The following CALN1 variants were observed in gnomAD, a reference collection of about 807,000 sequenced individuals.
CALN1 encodes calneuron 1, also known as calcium-binding protein 8.
Under a neutral mutation model 30.6 loss-of-function variants are expected in CALN1, and 17 were observed. The observed-to-expected ratio is 0.56, with a 90% CI of 0.38 to 0.83. The LOEUF is 0.83. Among genes scored for constraint, CALN1 ranks in the 40% least tolerant of loss-of-function variants. CALN1 has a pLI of 0.00. For synonymous variants in CALN1, 156 were observed against 131.4 expected (o/e 1.19, Z -1.28); for missense variants, 291 against 354.9 (o/e 0.82, Z 1.45).
chr7:72,255,731 A>ATTT (rs10536438), intron 3 of CALN1, among the ~76,000 whole-genome samples: 2 of 137,544 alleles, frequency 1.5e-5, no homozygotes, highest in African/African-American at 2.8e-5. Flanking sequence ...CACTTAAATA[A>ATTT]TTTTTTTTTT....
chr7:72,408,775 C>T (rs2129562836), intron 1 of CALN1, among the ~76,000 whole-genome samples: 1 of 150,524 alleles, frequency 6.6e-6, no homozygotes, highest in African/African-American at 2.4e-5. Flanking sequence ...CTCCCGGGCT[C>T]AAGTGATCCT....
intron 3 of CALN1, among the ~76,000 whole-genome samples, chr7:72,124,346 G>T (rs1192504836): frequency 6.6e-6 from 1 of 152,136 alleles, no homozygotes; most frequent in African/African-American, 2.4e-5. Flanking sequence ...TTCACTTTTG[G>T]AAAATTAAAA....
intron 2 of CALN1, among the ~76,000 whole-genome samples, chr7:72,283,010 G>A (rs1017560212): frequency 3.3e-5 from 5 of 149,830 alleles, no homozygotes; most frequent in Admixed American, 6.7e-5. Flanking sequence ...AGCCGAGATC[G>A]TGCCACTGCA....
At chr7:72,126,097 C>G (rs1257901474) in intron 3 of CALN1, among the ~76,000 whole-genome samples, 2 of 152,200 alleles carry the variant, frequency 1.3e-5, no homozygotes, top group African/African-American at 4.8e-5. Context: ...CCGCGCCCAG[C>G]TCACTGTATC....
intron 2 of CALN1, among the ~76,000 whole-genome samples, chr7:72,333,622 C>A: frequency 6.6e-6 from 1 of 150,498 alleles, no homozygotes; most frequent in East Asian, 2.0e-4. Flanking sequence ...ACATTTCAGA[C>A]ACTCTGACTA....
At chr7:72,485,867 A>G in the CALN1 span, among the ~76,000 whole-genome samples, 1 of 152,152 alleles carries the variant, frequency 6.6e-6, no homozygotes, top group Non-Finnish European at 1.5e-5. Context: ...GAGCGAAACT[A>G]CATCTCAAAA....
chr7:72,003,637 G>A (rs1215671834), intron 5 of CALN1, among the ~76,000 whole-genome samples: 4 of 152,202 alleles, frequency 2.6e-5, no homozygotes, highest in Non-Finnish European at 5.9e-5. Context: ...CTCCTTAGGA[G>A]AATCTAATGC....
At position 72,412,044 on chromosome 7, in the gene CALN1, G is replaced by A. The variant is rs930035620; in HGVS notation, c.-74+14C>T. 3 of 152,184 alleles carry A rather than the reference G, an allele frequency of 2.0e-5. No individual in the cohort carries two copies. The highest frequency in any genetic ancestry group is 6.5e-5 in the Admixed American group (1 of 15,268). The allele number at this position is 152,184 out of a possible 1,614,324, so 9.4% of individuals were successfully genotyped here. On this transcript the variant is annotated intron_variant, in intron 1 of 6. Coordinates refer to ENST00000395275, the MANE Select transcript of CALN1 (RefSeq NM_031468.4). ...GCAGCTGAGCCCACCATGCTCTTTA[G>A]TTTCTGTGCCCACCTGTGTGCGGAA...
intron 6 of CALN1, among the ~76,000 whole-genome samples, chr7:71,793,847 G>A (rs945992438): frequency 6.6e-6 from 1 of 151,246 alleles, no homozygotes; most frequent in Non-Finnish European, 1.5e-5. Context: ...CTGGGTGACA[G>A]AGCAAGACTG....
the CALN1 span, among the ~76,000 whole-genome samples, chr7:72,501,131 G>A: frequency 6.6e-6 from 1 of 152,038 alleles, no homozygotes; most frequent in Non-Finnish European, 1.5e-5. Context: ...AGGAGAATGG[G>A]TAGAAAGACA....
rs1310514525 is a variant in CALN1, at chr7:71,786,799, G to A, written c.*976C>T. 6.6e-6 allele frequency: 1 copy of A among 152,110 alleles called. No individual in the cohort carries two copies. Among genetic ancestry groups the A allele is most frequent in the Non-Finnish European group, 1.5e-5 (1 of 68,030 alleles). 9.4% of individuals were successfully genotyped at this position (152,110 alleles called of 1,614,324 possible). A position where few individuals can be genotyped will look rare whatever the true frequency, so the allele number is the denominator to read the frequency against. On this transcript the variant is annotated 3_prime_UTR_variant, in exon 7 of 7. Coordinates refer to ENST00000395275, the MANE Select transcript of CALN1 (RefSeq NM_031468.4). Reference sequence around the variant, plus strand: ...GGGTCTCCATGACTCCAGATGGCTGGGTGTGGGTATCAAAACCTCACCGCC... The same window carrying A: ...GGGTCTCCATGACTCCAGATGGCTGAGTGTGGGTATCAAAACCTCACCGCC...
chr7:72,458,751 T>C, the CALN1 span, among the ~76,000 whole-genome samples: 140 of 109,510 alleles, frequency 1.3e-3, 4 homozygotes, highest in African/African-American at 5.1e-3. Flanking sequence ...TAATATATTT[T>C]ATAATATATT....
At chr7:72,040,491 T>C (rs777060169) in intron 4 of CALN1, among the ~76,000 whole-genome samples, 13 of 152,076 alleles carry the variant, frequency 8.5e-5, no homozygotes, top group Admixed American at 2.6e-4. Context: ...TCTCAAAAAA[T>C]AAATTAATTA....
chr7:71,851,527 A>T (rs751928575), intron 5 of CALN1, among the ~76,000 whole-genome samples: 2 of 151,840 alleles, frequency 1.3e-5, no homozygotes, highest in Non-Finnish European at 2.9e-5. Flanking sequence ...CAAAAAAGAA[A>T]AAAACAGTAT....
chr7:72,133,108 C>T (rs544056883), intron 3 of CALN1, among the ~76,000 whole-genome samples: 48 of 152,302 alleles, frequency 3.2e-4, no homozygotes, highest in Middle Eastern at 3.4e-3. Context: ...TCTTCCATGA[C>T]ACCAGACCCC....
chr7:71,935,404 G>A (rs1795774427), intron 5 of CALN1, among the ~76,000 whole-genome samples: 1 of 152,212 alleles, frequency 6.6e-6, no homozygotes, highest in Non-Finnish European at 1.5e-5. Flanking sequence ...TGTCTGCAGA[G>A]TGAATTAGCA....
the CALN1 span, among the ~76,000 whole-genome samples, chr7:72,488,885 T>C: frequency 1.3e-5 from 2 of 152,208 alleles, no homozygotes; most frequent in South Asian, 4.1e-4. Context: ...GGTCTCACTA[T>C]GTTGCCCAGG....
intron 2 of CALN1, among the ~76,000 whole-genome samples, chr7:72,330,553 C>T (rs563317841): frequency 6.6e-6 from 1 of 151,890 alleles, no homozygotes; most frequent in East Asian, 1.9e-4. Context: ...TTATATCCTC[C>T]AATTTTATTT....
intron 3 of CALN1, among the ~76,000 whole-genome samples, chr7:72,182,335 G>GT (rs1437828548): frequency 6.6e-6 from 1 of 152,116 alleles, no homozygotes; most frequent in African/African-American, 2.4e-5. Flanking sequence ...AGTGGGATGT[G>GT]TTCTCACAAT....
Sources: gnomAD v4.1 joint callset for allele counts (sites outside exome capture counted in the v4.1 genomes callset) on GRCh38, gnomAD v4.1.1 for gene constraint, MANE v1.5 for transcripts, NCBI Gene and HGNC (gene_info 2026-07-23, HGNC 2026-07-21) for gene names.